The following LPAR1 variants were observed in gnomAD, a reference collection of about 807,000 sequenced individuals.
LPAR1 encodes lysophosphatidic acid receptor 1.
A neutral mutation model predicts 23.8 loss-of-function variants in LPAR1; 5 were observed. The ratio of observed to expected loss-of-function variants is 0.21; its 90% CI spans 0.11 to 0.44. The LOEUF (loss-of-function observed/expected upper bound fraction) is 0.44. Ranked by LOEUF, LPAR1 falls within the 20% of genes least tolerant of loss-of-function variation. LPAR1 has a pLI of 0.99. For synonymous variants in LPAR1, 160 were observed against 164.7 expected, an observed-to-expected ratio of 0.97 and a Z score of 0.22; for missense variants, 311 against 482.8, an observed-to-expected ratio of 0.64 and a Z score of 3.33.
At chr9:111,025,496 T>C (rs1259636354) in intron 2 of LPAR1, among the ~76,000 whole-genome samples, 1 of 152,236 alleles carries the variant, frequency 6.6e-6, no homozygotes, top group East Asian at 1.9e-4. Flanking sequence ...CTCTGTAGGT[T>C]GCCTGTTCAC....
At chr9:111,006,812 A>C (rs1465961105) in intron 2 of LPAR1, among the ~76,000 whole-genome samples, 1 of 152,174 alleles carries the variant, frequency 6.6e-6, no homozygotes, top group Admixed American at 6.5e-5. Context: ...AGGCCAAAGA[A>C]AAGACTGATA....
rs750223513 is a variant in LPAR1 at position 110,971,061 on chromosome 9, G to A, written c.45+1012C>T. 5.5e-4 allele frequency among the ~76,000 whole-genome samples: 83 copies of A among 152,156 alleles called. 1 individual carries two copies. The highest frequency in any genetic ancestry group is 1.3e-4 in the Non-Finnish European group (9 of 68,030). Reference sequence around the variant, plus strand: ...GAGACAGGAGAATCGCTTGAACCCAGGAGGTGGAGATTGCAGTGAACCAAG... The same window carrying A: ...GAGACAGGAGAATCGCTTGAACCCAAGAGGTGGAGATTGCAGTGAACCAAG... On this transcript the variant is annotated intron_variant, in intron 4 of 5. Transcript: ENST00000683809.
At chr9:111,030,809 G>A (rs1432557426) in intron 2 of LPAR1, among the ~76,000 whole-genome samples, 1 of 152,144 alleles carries the variant, frequency 6.6e-6, no homozygotes, top group Non-Finnish European at 1.5e-5. Flanking sequence ...TTCAAGAAGG[G>A]CCCATGCAGG....
At chr9:110,970,632 T>C (rs2096387912) in intron 4 of LPAR1, among the ~76,000 whole-genome samples, 3 of 152,264 alleles carry the variant, frequency 2.0e-5, no homozygotes, top group South Asian at 4.1e-4. Context: ...GAAAACACTA[T>C]ACTATATGAG....
chr9:110,991,853 A>C (rs1022289710), intron 2 of LPAR1, among the ~76,000 whole-genome samples: 2 of 152,076 alleles, frequency 1.3e-5, no homozygotes, highest in African/African-American at 2.4e-5. Context: ...TCGGCCTCCC[A>C]AAGTGCTGGG....
At chr9:111,029,778 C>T (rs1386516526) in intron 2 of LPAR1, among the ~76,000 whole-genome samples, 2 of 151,748 alleles carry the variant, frequency 1.3e-5, no homozygotes, top group Non-Finnish European at 2.9e-5. Context: ...AGGCCAGGCA[C>T]GGTGGCTTGG....
In LPAR1 at chr9:110,959,715, T is replaced by C. The variant is rs530754244; in HGVS notation, c.45+12358A>G. ...GCATTCATGTGTTACCACAGCACTA[T>C]TTAAAATAGCAGAGACACAGATTCA... is the stretch of plus-strand genomic sequence containing the variant. On this transcript the variant is annotated intron_variant, in intron 4 of 5. Coordinates refer to ENST00000683809, the MANE Select transcript of LPAR1 (RefSeq NM_001351411.2). Among the ~76,000 whole-genome samples the C allele has an allele frequency of 5.3e-5, 8 of 152,222 alleles. No homozygotes were observed. In the East Asian group the frequency reaches 1.4e-3, roughly 26 times the overall value.
chr9:111,003,295 C>G (rs1444471880), intron 2 of LPAR1, among the ~76,000 whole-genome samples: 8 of 151,932 alleles, frequency 5.3e-5, no homozygotes, highest in Non-Finnish European at 1.2e-4. Context: ...TATGGCTGTC[C>G]CTATCCCTGG....
chr9:110,971,175 A>G (rs2138175125), intron 4 of LPAR1, among the ~76,000 whole-genome samples: 1 of 152,240 alleles, frequency 6.6e-6, no homozygotes, highest in Middle Eastern at 3.4e-3. Context: ...CCAAAAAATG[A>G]TTGTCACAAA....
chr9:110,976,260 A>C (rs1387430058), intron 2 of LPAR1, among the ~76,000 whole-genome samples: 1 of 149,390 alleles, frequency 6.7e-6, no homozygotes, highest in Non-Finnish European at 1.5e-5. Context: ...TGAGACGCCG[A>C]TGTGGGTGGA....
intron 3 of LPAR1, 96 bp from the exon 4 acceptor site, chr9:110,972,316 CA>C (rs2096449322): frequency 1.7e-6 from 1 of 573,400 alleles, no homozygotes; most frequent in Admixed American, 3.1e-5. Flanking sequence ...CCCTAGACAT[CA>C]AGTGTCAAAT....
intron 2 of LPAR1, among the ~76,000 whole-genome samples, chr9:111,001,639 C>T (rs140644551): frequency 1.3e-5 from 2 of 152,184 alleles, no homozygotes; most frequent in South Asian, 4.1e-4. Context: ...AGGGGAACTC[C>T]AGCATCATGC....
chr9:110,971,965 G>A (rs977732656), intron 4 of LPAR1, 108 bp downstream of exon 4: 29 of 919,422 alleles, frequency 3.2e-5, no homozygotes, highest in African/African-American at 8.2e-5. Context: ...AAATGATAGC[G>A]AGAGAGATAT....
intron 4 of LPAR1, among the ~76,000 whole-genome samples, chr9:110,966,322 T>C (rs1162358707): frequency 2.0e-5 from 3 of 151,702 alleles, no homozygotes; most frequent in African/African-American, 7.3e-5. Context: ...CTACTAAAAA[T>C]ATAAAAATTA....
At position 110,968,004 on chromosome 9, in the gene LPAR1, G is replaced by C. The variant is rs376027611; in HGVS notation, c.45+4069C>G. Among the ~76,000 whole-genome samples, 3 of 152,130 alleles carry C rather than the reference G, an allele frequency of 2.0e-5. No individual in the cohort carries two copies. The South Asian group carries it at 6.2e-4, about 32-fold the overall frequency. ...GAGGCTGCCACTATTCCCAAAATACGGTGAGAATAATGCAACTACCCTGGT... is the reference window on the plus strand; with the variant it reads ...GAGGCTGCCACTATTCCCAAAATACCGTGAGAATAATGCAACTACCCTGGT... On this transcript the variant is annotated intron_variant, in intron 4 of 5. Coordinates refer to ENST00000683809, the MANE Select transcript of LPAR1 (RefSeq NM_001351411.2).
intron 5 of LPAR1, among the ~76,000 whole-genome samples, chr9:110,926,429 G>A (rs545254629): frequency 2.0e-5 from 3 of 152,176 alleles, no homozygotes; most frequent in Admixed American, 1.3e-4. Flanking sequence ...TCATTCTTGG[G>A]GGAAACAAAT....
intron 4 of LPAR1, among the ~76,000 whole-genome samples, chr9:110,968,867 C>T (rs753647413): frequency 5.9e-5 from 9 of 152,020 alleles, no homozygotes; most frequent in Non-Finnish European, 8.8e-5. Flanking sequence ...ATTTCATTTC[C>T]GCCTTAAAAT....
chr9:110,877,302 A>G (rs2079376628), intron 5 of LPAR1, among the ~76,000 whole-genome samples: 1 of 152,240 alleles, frequency 6.6e-6, no homozygotes, highest in Non-Finnish European at 1.5e-5. Flanking sequence ...ACAAATGTGT[A>G]TTGGTTTTAA....
At chr9:110,947,390 T>C (rs2095419875) in intron 4 of LPAR1, among the ~76,000 whole-genome samples, 6 of 152,230 alleles carry the variant, frequency 3.9e-5, no homozygotes. Context: ...GAAGTTCATA[T>C]TCATGCCCTT....
Sources: gnomAD v4.1 joint callset for allele counts (sites outside exome capture counted in the v4.1 genomes callset) on GRCh38, gnomAD v4.1.1 for gene constraint, MANE v1.5 for transcripts, NCBI Gene and HGNC (gene_info 2026-07-23, HGNC 2026-07-21) for gene names.